The following DSC1 variants were observed in gnomAD, a reference collection of about 807,000 sequenced individuals.
DSC1 encodes the protein desmocollin 1, also known as desmocollin-1.
In DSC1, 79 loss-of-function variants were observed where a neutral mutation model predicts 98.8. That is an observed-to-expected ratio of 0.80 (90% CI 0.67 to 0.96). The LOEUF (loss-of-function observed/expected upper bound fraction) is 0.96, where lower values mean the gene tolerates loss of function less well. Ranked by LOEUF, DSC1 falls within the 50% of genes least tolerant of loss-of-function variation. The pLI is 0.00. For synonymous variants in DSC1, 405 were observed against 372.1 expected, an observed-to-expected ratio of 1.09 and a Z score of -1.02; for missense variants, 1,115 against 1,075.9, an observed-to-expected ratio of 1.04 and a Z score of -0.51.
chr18:31,131,537 A>T, intron 15 of DSC1, 57 bp downstream of exon 15: 1 of 1,594,580 alleles, frequency 6.3e-7, no homozygotes, highest in Non-Finnish European at 8.6e-7. Context: ...GGAAATTCTG[A>T]TTTATAACTA....
intron 5 of DSC1, among the ~76,000 whole-genome samples, chr18:31,151,882 C>A (rs1431709249): frequency 6.6e-6 from 1 of 152,122 alleles, no homozygotes; most frequent in African/African-American, 2.4e-5. Flanking sequence ...TTACAAGAGG[C>A]CGGGCACAGT....
At chr18:31,142,876 C>G (rs186876342) in intron 8 of DSC1, among the ~76,000 whole-genome samples, 1 of 152,068 alleles carries the variant, frequency 6.6e-6, no homozygotes, top group Admixed American at 6.5e-5. Flanking sequence ...AGTATGAGAT[C>G]TTGACTTAAC....
chr18:31,143,885 A>C (rs958779427), intron 7 of DSC1, 94 bp from the exon 8 acceptor site: 1 of 901,812 alleles, frequency 1.1e-6, no homozygotes, highest in Non-Finnish European at 1.5e-6. Flanking sequence ...TTATTGTACA[A>C]ATATTCTTTT....
At chr18:31,137,969 G>A (rs1431897117) in intron 11 of DSC1, among the ~76,000 whole-genome samples, 9 of 72,952 alleles carry the variant, frequency 1.2e-4, no homozygotes, top group African/African-American at 4.9e-4. Context: ...AGCAAAATGT[G>A]TGTGTGTGTG....
chr18:31,140,769 T>G (rs1423576745), intron 9 of DSC1, among the ~76,000 whole-genome samples: 1 of 152,190 alleles, frequency 6.6e-6, no homozygotes, highest in East Asian at 1.9e-4. Flanking sequence ...CAAAGCACAT[T>G]ATATTTCAGG....
chr18:31,148,498 C>T lies in DSC1; in HGVS notation c.772G>A (p.Gly258Arg), dbSNP rs780433012. 8.8e-6 allele frequency: 14 copies of T among 1,592,394 alleles called. No individual in the cohort carries two copies. The highest frequency in any genetic ancestry group is 5.7e-5 in the South Asian group (5 of 88,410). ...ATGCTACAATAAAATGTGAACTTACCGGATCGGCAATTTTCAGGCACAGTA... is the reference window on the plus strand; with the variant it reads ...ATGCTACAATAAAATGTGAACTTACTGGATCGGCAATTTTCAGGCACAGTA... The part of the protein sequence containing the change: ...IFTVPENCRS[G>R]TSVGKVTATD... The change falls in exon 6 of 16, where the codon GGA (glycine) becomes AGA (arginine). Residue 258 changes from glycine to arginine, a missense_variant and splice_region_variant. By Grantham distance (125) the Gly-to-Arg change is moderately radical. Transcript: ENST00000257198.
chr18:31,142,226 A>G, intron 8 of DSC1, 42 bp from the exon 9 acceptor site: 1 of 1,570,844 alleles, frequency 6.4e-7, no homozygotes, highest in Non-Finnish European at 8.6e-7. Context: ...TACAACTTTG[A>G]CAATGTAGCT....
At position 31,148,500 on chromosome 18, in the gene DSC1, G is replaced by A; in HGVS notation, c.770C>T (p.Ser257Phe). The change falls in exon 6 of 16, where the codon TCC (serine) becomes TTC (phenylalanine). Residue 257 changes from serine to phenylalanine, a missense_variant and splice_region_variant. Physicochemically the swap from Ser to Phe is radical, Grantham distance 155. Coordinates refer to ENST00000257198, the MANE Select transcript of DSC1 (RefSeq NM_024421.2). ...GCTACAATAAAATGTGAACTTACCG[G>A]ATCGGCAATTTTCAGGCACAGTAAA... is the stretch of plus-strand genomic sequence containing the variant. Reference protein sequence around the residue: ...TIFTVPENCRSGTSVGKVTAT... With the variant: ...TIFTVPENCRFGTSVGKVTAT... 3 of 1,593,928 alleles carry A rather than the reference G, an allele frequency of 1.9e-6. No homozygotes were observed. In the East Asian group the frequency reaches 6.7e-5, roughly 36 times the overall value.
intron 1 of DSC1, 120 bp from the exon 2 acceptor site, chr18:31,159,649 CT>C: frequency 1.0e-6 from 1 of 969,780 alleles, no homozygotes; most frequent in Non-Finnish European, 1.5e-6. Flanking sequence ...TCATTTAATT[CT>C]TTACATTTTT....
At chr18:31,145,044 A>G (rs1988817503) in intron 7 of DSC1, among the ~76,000 whole-genome samples, 1 of 143,624 alleles carries the variant, frequency 7.0e-6, no homozygotes, top group Non-Finnish European at 1.5e-5. Flanking sequence ...GGTTCACGCC[A>G]TTCTCCTGCC....
chr18:31,161,209 T>C (rs1046001349), intron 1 of DSC1, among the ~76,000 whole-genome samples: 4 of 152,048 alleles, frequency 2.6e-5, no homozygotes, highest in Admixed American at 1.3e-4. Flanking sequence ...ATAGAAAAAG[T>C]ACATTAAAAT....
intron 1 of DSC1, 144 bp downstream of exon 1, chr18:31,162,388 A>G: frequency 1.3e-6 from 1 of 755,168 alleles, no homozygotes; most frequent in Non-Finnish European, 2.2e-6. Context: ...CTCTTCCCTG[A>G]ATCTTCCTCA....
rs151005877 is a variant in DSC1, at chr18:31,132,272, T to C, written c.2238+296A>G. 3.8e-4 allele frequency: 130 copies of C among 344,952 alleles called. No homozygotes were observed. The East Asian group carries it at 8.1e-3, about 21-fold the overall frequency. 21.4% of individuals were successfully genotyped at this position (344,952 alleles called of 1,614,324 possible). On this transcript the variant is annotated intron_variant, in intron 14 of 15. Coordinates refer to ENST00000257198, the MANE Select transcript of DSC1 (RefSeq NM_024421.2). The stretch of plus-strand genomic sequence containing the variant: ...AGGAGAGAGTCCTGGAACAGATCCC[T>C]CCCCAGTTCCTTCAGAGGGAGCACG...
chr18:31,156,320 C>G (rs1391346820), intron 3 of DSC1, among the ~76,000 whole-genome samples, 158 bp from the exon 4 acceptor site: 1 of 152,176 alleles, frequency 6.6e-6, no homozygotes, highest in Non-Finnish European at 1.5e-5. Context: ...CACACACACA[C>G]CTCAGACTAC....
chr18:31,132,024 G>T, intron 14 of DSC1, 182 bp from the exon 15 acceptor site: 1 of 671,452 alleles, frequency 1.5e-6, no homozygotes, highest in Non-Finnish European at 2.5e-6. Flanking sequence ...AAATTCATAT[G>T]CCCTAACCCT....
In DSC1 at chr18:31,131,638, C is replaced by T; in HGVS notation, c.2443G>A (p.Ala815Thr). 6.2e-7 allele frequency: 1 copy of T among 1,614,094 alleles called. No individual in the cohort carries two copies. Among genetic ancestry groups the T allele is most frequent in the Non-Finnish European group, 8.5e-7 (1 of 1,179,978 alleles). Residue 815 changes from alanine (A) to threonine (T), a missense_variant, in exon 15 of 16, where the codon GCG (alanine) becomes ACG (threonine). Transcript: ENST00000257198. ...GVGQGDTGRY[A>T]YTDWQSFTQP... ...GTGAAACTCTGCCAGTCCGTGTACG[C>T]ATATCTGCCAGTATCTCCCTGCCCC...
At chr18:31,134,211 G>A in intron 12 of DSC1, 81 bp from the exon 13 acceptor site, 1 of 1,480,186 alleles carries the variant, frequency 6.8e-7, no homozygotes, top group Non-Finnish European at 9.0e-7. Context: ...CTCAGTGGAA[G>A]GGAATCAATT....
In DSC1 at chr18:31,150,369, C is replaced by G. The variant is rs1341661813; in HGVS notation, c.628-1727G>C. On this transcript the variant is annotated intron_variant, in intron 5 of 15. Coordinates refer to ENST00000257198, the MANE Select transcript of DSC1 (RefSeq NM_024421.2). ...ACCACCACCACCACCATCATCACCA[C>G]CACCATCATCACCACCATCACCACC... is the stretch of plus-strand genomic sequence containing the variant. Among the ~76,000 whole-genome samples, 7 of 3,036 alleles carry G rather than the reference C, an allele frequency of 2.3e-3. 1 individual carries two copies. Among genetic ancestry groups the G allele is most frequent in the East Asian group, 0.022 (1 of 46 alleles). The allele number at this position is 3,036 out of a possible 152,430, so 2.0% of individuals were successfully genotyped here. A position where few individuals can be genotyped will look rare whatever the true frequency, so the allele number is the denominator to read the frequency against.
intron 13 of DSC1, 108 bp from the exon 14 acceptor site, chr18:31,132,797 A>T (rs943715323): frequency 4.9e-6 from 5 of 1,027,736 alleles, no homozygotes; most frequent in Non-Finnish European, 6.9e-6. Flanking sequence ...CCACAAATTG[A>T]GCTCTTCAGG....
Sources: gnomAD v4.1 joint callset for allele counts (sites outside exome capture counted in the v4.1 genomes callset) on GRCh38, gnomAD v4.1.1 for gene constraint, MANE v1.5 for transcripts, NCBI Gene and HGNC (gene_info 2026-07-23, HGNC 2026-07-21) for gene names.